SPAG9: variants seen among roughly 807,000 people sequenced by gnomAD.
SPAG9 encodes C-Jun-amino-terminal kinase-interacting protein 4.
In SPAG9, 35 loss-of-function variants were observed where a neutral mutation model predicts 166.5. The observed-to-expected ratio is 0.21, with a 90% CI of 0.16 to 0.28. The LOEUF is 0.28. Among genes scored for constraint, SPAG9 ranks in the 10% least tolerant of loss-of-function variants. SPAG9 has a pLI of 1.00. For synonymous variants in SPAG9, 534 were observed against 565.5 expected (o/e 0.94, Z 0.79); for missense variants, 1,235 against 1,603.3 (o/e 0.77, Z 3.92).
At chr17:50,971,721 A>G (rs1194235789) in intron 28 of SPAG9, among the ~76,000 whole-genome samples, 2 of 151,720 alleles carry the variant, frequency 1.3e-5, no homozygotes, top group Non-Finnish European at 2.9e-5. Context: ...CGGCCTCCCA[A>G]AGTGCTGGGA....
Position 50,984,900 on chromosome 17 carries a change from G to A in SPAG9, c.3088+23C>T, listed in dbSNP as rs1196691923. Reference sequence around the variant, plus strand: ...TGCAAAGCAACAAATTAGTGTCCATGTTATACACACATCACCACTCACCCA... The same window carrying A: ...TGCAAAGCAACAAATTAGTGTCCATATTATACACACATCACCACTCACCCA... On this transcript the variant is annotated intron_variant, in intron 24 of 29. Coordinates refer to ENST00000262013, the MANE Select transcript of SPAG9 (RefSeq NM_001130528.3). The A allele has an allele frequency of 3.1e-6, 5 of 1,598,932 alleles. No homozygotes were observed. The South Asian group carries it at 4.4e-5, about 14-fold the overall frequency.
intron 8 of SPAG9, among the ~76,000 whole-genome samples, chr17:51,015,916 T>C (rs569223450): frequency 6.6e-6 from 1 of 152,182 alleles, no homozygotes; most frequent in African/African-American, 2.4e-5. Context: ...GATAGGAATG[T>C]TCAGATGAAA....
chr17:51,082,401 A>C (rs1003942666), intron 1 of SPAG9, among the ~76,000 whole-genome samples: 1 of 151,254 alleles, frequency 6.6e-6, no homozygotes, highest in African/African-American at 2.4e-5. Flanking sequence ...AAAAAAAAAA[A>C]AAACCTGTGA....
intron 27 of SPAG9, 110 bp from the exon 28 acceptor site, chr17:50,975,057 G>A: frequency 9.8e-7 from 1 of 1,023,196 alleles, no homozygotes; most frequent in Non-Finnish European, 1.4e-6. Context: ...AGCCAGTTGA[G>A]ATAAAACAAG....
chr17:50,989,419 C>T lies in SPAG9; in HGVS notation c.2813+258G>A. 5 of 512,516 alleles carry T rather than the reference C, an allele frequency of 9.8e-6. No individual in the cohort carries two copies. In the South Asian group the frequency reaches 1.0e-4, roughly 10 times the overall value. 31.7% of individuals were successfully genotyped at this position (512,516 alleles called of 1,614,324 possible). A position where few individuals can be genotyped will look rare whatever the true frequency, so the allele number is the denominator to read the frequency against. The stretch of plus-strand genomic sequence containing the variant: ...TGACACATTTCTCAGAACATATCCC[C>T]ATTGTTGACTGATGCATGATTATAC... On this transcript the variant is annotated intron_variant, in intron 21 of 29. Transcript: ENST00000262013.
At chr17:50,987,741 G>C (rs1327729546) in intron 21 of SPAG9, among the ~76,000 whole-genome samples, 2 of 152,200 alleles carry the variant, frequency 1.3e-5, no homozygotes, top group Non-Finnish European at 2.9e-5. Context: ...TCAAGTGAGA[G>C]AGAAGGGAGG....
At chr17:51,102,557 C>CA (rs1474611959) in intron 1 of SPAG9, among the ~76,000 whole-genome samples, 1 of 151,534 alleles carries the variant, frequency 6.6e-6, no homozygotes, top group Admixed American at 6.6e-5. Flanking sequence ...GGCTGCAGTG[C>CA]AGTGGCATGA....
intron 5 of SPAG9, among the ~76,000 whole-genome samples, chr17:51,034,655 A>T (rs528091683): frequency 4.3e-4 from 65 of 152,348 alleles, no homozygotes; most frequent in Non-Finnish European, 1.5e-5. Context: ...CCCTGATAGA[A>T]GAATTCCAAT....
Position 51,120,323 on chromosome 17 carries a change from C to A in SPAG9, c.303+31G>T. 1 of 1,497,216 alleles carries A rather than the reference C, an allele frequency of 6.7e-7. No homozygotes were observed. The highest frequency in any genetic ancestry group is 8.9e-7 in the Non-Finnish European group (1 of 1,121,752). The allele number at this position is 1,497,216 out of a possible 1,614,324, so 92.7% of individuals were successfully genotyped here. Reference sequence around the variant, plus strand: ...GCCCCGGCCGCCCCCGGAGACGGATCCCGCGGCCCCCGCCCTGCCGCCGGC... The same window carrying A: ...GCCCCGGCCGCCCCCGGAGACGGATACCGCGGCCCCCGCCCTGCCGCCGGC... On this transcript the variant is annotated intron_variant, in intron 1 of 29. Coordinates refer to ENST00000262013, the MANE Select transcript of SPAG9 (RefSeq NM_001130528.3). The surrounding 1 kb of genome is among the most constrained non-coding windows in gnomAD (Gnocchi z 4.7).
At chr17:51,109,276 G>A (rs756649670) in intron 1 of SPAG9, among the ~76,000 whole-genome samples, 18 of 151,110 alleles carry the variant, frequency 1.2e-4, no homozygotes, top group African/African-American at 4.4e-4. Context: ...TTGCTCTGTC[G>A]CCTAGGCTGG....
chr17:51,067,324 T>G (rs2047701566), intron 2 of SPAG9, among the ~76,000 whole-genome samples: 1 of 152,076 alleles, frequency 6.6e-6, no homozygotes, highest in South Asian at 2.1e-4. Context: ...GGAAGAGCCA[T>G]CTCTTTAAAG....
At chr17:50,981,368 A>G in intron 25 of SPAG9, among the ~76,000 whole-genome samples, 1 of 151,954 alleles carries the variant, frequency 6.6e-6, no homozygotes, top group Non-Finnish European at 1.5e-5. Flanking sequence ...AGCATTTTCA[A>G]TAAGGGATAT....
chr17:51,051,178 C>T (rs957409970), intron 3 of SPAG9, among the ~76,000 whole-genome samples: 3 of 152,128 alleles, frequency 2.0e-5, no homozygotes, highest in African/African-American at 7.2e-5. Context: ...GGCACAATCT[C>T]AGCTCACTGC....
At position 50,982,646 on chromosome 17, in the gene SPAG9, G is replaced by A. The variant is rs1209162201; in HGVS notation, c.3115C>T (p.His1039Tyr). The change falls in exon 25 of 30, where the codon CAC becomes TAC. Residue 1039 changes from histidine to tyrosine, a missense_variant. His to Tyr is a moderately conservative substitution (Grantham distance 83, BLOSUM62 2). Coordinates refer to ENST00000262013, the MANE Select transcript of SPAG9 (RefSeq NM_001130528.3). ...TGAGGCCGTCCAAGGTCTAAGAGGTGATAGTTTGACAAATCCCACTGCCCA... is the reference window on the plus strand; with the variant it reads ...TGAGGCCGTCCAAGGTCTAAGAGGTAATAGTTTGACAAATCCCACTGCCCA... The part of the protein sequence containing the change: ...VDGQWDLSNY[H>Y]LLDLGRPHHS... The A allele has an allele frequency of 6.2e-7, 1 of 1,610,778 alleles. No individual in the cohort carries two copies. The highest frequency in any genetic ancestry group is 8.5e-7 in the Non-Finnish European group (1 of 1,179,142).
rs34918673 is a variant in SPAG9 at position 51,085,959 on chromosome 17, A to ATTTT, written c.304-6259_304-6256dup. ...ATAATTTTTTATCCTCTTGGAAATC[A>ATTTT]TTTTTTTTTTTTTTTTTTTTTTTTT... On this transcript the variant is annotated intron_variant, in intron 1 of 29. Coordinates refer to ENST00000262013, the MANE Select transcript of SPAG9 (RefSeq NM_001130528.3). 4.1e-3 allele frequency among the ~76,000 whole-genome samples: 362 copies of ATTTT among 88,084 alleles called. 4 individuals carry two copies. Among genetic ancestry groups the ATTTT allele is most frequent in the African/African-American group, 5.7e-3 (126 of 21,926 alleles). The allele number at this position is 88,084 out of a possible 152,430, so 57.8% of individuals were successfully genotyped here.
In SPAG9 at chr17:50,987,201, T is replaced by C; in HGVS notation, c.2850A>G (p.Val950=). ...TCACCAAGTCTTGTTCATTTGGCAG[T>C]ACTGATATTTGATCTTTATATGCAT... is the stretch of plus-strand genomic sequence containing the variant. ...DSDAYKDQIS[V]LPNEQDLVRE... Residue 950 remains valine (V), a synonymous_variant, in exon 22 of 30, where the codon GTA becomes GTG. Transcript: ENST00000262013. 1 of 1,612,872 alleles carries C rather than the reference T, an allele frequency of 6.2e-7. No individual in the cohort carries two copies. Among genetic ancestry groups the C allele is most frequent in the African/African-American group, 1.3e-5 (1 of 74,956 alleles).
At chr17:51,085,586 TC>T (rs2048283734) in intron 1 of SPAG9, 1 of 152,230 alleles carries the variant, frequency 6.6e-6, no homozygotes, top group African/African-American at 2.4e-5. Context: ...TTCTTTAGTT[TC>T]CTTTCACAGG....
At chr17:50,987,511 C>T (rs918357763) in intron 21 of SPAG9, among the ~76,000 whole-genome samples, 1 of 149,480 alleles carries the variant, frequency 6.7e-6, no homozygotes, top group African/African-American at 2.5e-5. Flanking sequence ...CTGGCTTCAA[C>T]TTTTAGTCAA....
intron 1 of SPAG9, among the ~76,000 whole-genome samples, chr17:51,116,635 A>G (rs1045605774): frequency 6.6e-6 from 1 of 152,030 alleles, no homozygotes; most frequent in African/African-American, 2.4e-5. Flanking sequence ...GTGGTAACGC[A>G]TGTCTGTGGT....
Sources: gnomAD v4.1 joint callset for allele counts (sites outside exome capture counted in the v4.1 genomes callset) on GRCh38, gnomAD v4.1.1 for gene constraint, Gnocchi (gnomAD v3.1) non-coding constraint, MANE v1.5 for transcripts, NCBI Gene and HGNC (gene_info 2026-07-23, HGNC 2026-07-21) for gene names.